The following NCOA1 variants were observed in gnomAD, a reference collection of about 807,000 sequenced individuals.
NCOA1 encodes the protein nuclear receptor coactivator 1, also known as Hin-2 protein.
NCOA1 carries 35 observed loss-of-function variants against 150.9 expected under a neutral mutation model. The observed-to-expected ratio is 0.23, with a 90% CI of 0.18 to 0.31. The LOEUF (loss-of-function observed/expected upper bound fraction) is 0.31. NCOA1 is among the 10% of genes least tolerant of loss of function. The pLI is 1.00. For synonymous variants in NCOA1, 590 were observed against 630.0 expected, an observed-to-expected ratio of 0.94 and a Z score of 0.95; for missense variants, 1,491 against 1,749.3, an observed-to-expected ratio of 0.85 and a Z score of 2.63.
chr2:24,514,184 A>G (rs1255905091), intron 1 of NCOA1, among the ~76,000 whole-genome samples: 1 of 145,172 alleles, frequency 6.9e-6, no homozygotes, highest in Non-Finnish European at 1.5e-5. Flanking sequence ...GCTACTCGGG[A>G]GGCTGAGGTG....
intron 3 of NCOA1, among the ~76,000 whole-genome samples, chr2:24,593,491 T>G (rs1216461317): frequency 6.6e-6 from 1 of 152,104 alleles, no homozygotes; most frequent in Non-Finnish European, 1.5e-5. Context: ...ATGTAAACAT[T>G]GAATGTTTAT....
intron 3 of NCOA1, among the ~76,000 whole-genome samples, chr2:24,639,357 A>G (rs1670075409): frequency 6.6e-6 from 1 of 152,106 alleles, no homozygotes; most frequent in Non-Finnish European, 1.5e-5. Context: ...TACGTTGTTC[A>G]GAACACTATA....
chr2:24,677,420 T>TTTGG (rs1671967019), intron 7 of NCOA1, among the ~76,000 whole-genome samples: 1 of 152,022 alleles, frequency 6.6e-6, no homozygotes, highest in African/African-American at 2.4e-5. Context: ...GATGTTTTTG[T>TTTGG]TTGGTTGGTT....
At chr2:24,565,277 A>G (rs1304638667) in intron 2 of NCOA1, among the ~76,000 whole-genome samples, 1 of 152,234 alleles carries the variant, frequency 6.6e-6, no homozygotes, top group African/African-American at 2.4e-5. Flanking sequence ...TTAGGTGTTT[A>G]TTTAAAAACA....
chr2:24,560,435 A>T (rs1666251810), intron 1 of NCOA1, among the ~76,000 whole-genome samples: 1 of 151,324 alleles, frequency 6.6e-6, no homozygotes. Flanking sequence ...TATGGATATG[A>T]TTTTTTTTTC....
Position 24,667,900 on chromosome 2 carries a change from T to A in NCOA1, c.256+1985T>A, listed in dbSNP as rs1671504398. The stretch of plus-strand genomic sequence containing the variant: ...ATATTTTTAAAAACAGAAAAAAAAA[T>A]CTATGCATCTTTTTATACCTTCCTT... On this transcript the variant is annotated intron_variant, in intron 6 of 22. Coordinates refer to ENST00000348332, the MANE Select transcript of NCOA1 (RefSeq NM_003743.5). Among the ~76,000 whole-genome samples the A allele has an allele frequency of 2.0e-5, 3 of 152,124 alleles. No individual in the cohort carries two copies. In the South Asian group the frequency reaches 6.2e-4, roughly 32 times the overall value.
chr2:24,603,842 A>T (rs1322812816), intron 3 of NCOA1, among the ~76,000 whole-genome samples: 1 of 152,228 alleles, frequency 6.6e-6, no homozygotes, highest in Non-Finnish European at 1.5e-5. Flanking sequence ...AATGTTCTTA[A>T]TGGCATCCAG....
rs1284120928 is a variant in NCOA1, at chr2:24,707,676, G to C, written c.2206G>C (p.Asp736His). The C allele has an allele frequency of 6.2e-7, 1 of 1,614,114 alleles. No homozygotes were observed. Among genetic ancestry groups the C allele is most frequent in the Admixed American group, 1.7e-5 (1 of 60,022 alleles). Reference sequence around the variant, plus strand: ...AAACTCCAGTATAAAACTAGAACTGGATGCTTCAAAGAAAAAAGAATCAAA... The same window carrying C: ...AAACTCCAGTATAAAACTAGAACTGCATGCTTCAAAGAAAAAAGAATCAAA... ...QGNSSIKLEL[D>H]ASKKKESKDH... Residue 736 changes from aspartate (D) to histidine (H), a missense_variant, in exon 13 of 23, where the codon GAT becomes CAT. Around this residue, in one of 8 missense-constraint regions of NCOA1, gnomAD observed 703 missense variants for 717.7 expected, o/e 0.98. Transcript: ENST00000348332.
intron 20 of NCOA1, among the ~76,000 whole-genome samples, chr2:24,757,497 A>G (rs1664560175): frequency 6.6e-6 from 1 of 152,188 alleles, no homozygotes; most frequent in South Asian, 2.1e-4. Context: ...CCCCTGAAGT[A>G]TTAAGTCTAA....
At chr2:24,685,844 T>C (rs1482092899) in intron 8 of NCOA1, among the ~76,000 whole-genome samples, 3 of 152,224 alleles carry the variant, frequency 2.0e-5, no homozygotes, top group Non-Finnish European at 2.9e-5. Context: ...TAACAACTAC[T>C]AGCTGGTTTT....
chr2:24,497,940 A>T (rs569716418), intron 1 of NCOA1, among the ~76,000 whole-genome samples: 2 of 152,318 alleles, frequency 1.3e-5, no homozygotes, highest in South Asian at 2.1e-4. Context: ...TTAAAATTCC[A>T]GTTTGCCTAT....
chr2:24,563,621 C>T (rs11125678), intron 1 of NCOA1, among the ~76,000 whole-genome samples: 67,081 of 151,644 alleles, frequency 0.44, 16,584 homozygotes, highest in Admixed American at 0.61. Context: ...GGGCTCAAGC[C>T]ATTCTCCTAC....
chr2:24,725,179 T>G (rs1046312201), intron 14 of NCOA1, among the ~76,000 whole-genome samples: 5 of 152,152 alleles, frequency 3.3e-5, no homozygotes, highest in African/African-American at 1.2e-4. Context: ...TATTCTTCAT[T>G]CATTCGAATG....
At position 24,552,389 on chromosome 2, in the gene NCOA1, T is replaced by C. The variant is rs189638461; in HGVS notation, c.-395-11906T>C. ...TTTTTTTTTTTTTTTTTTTTTGAGA[T>C]GGAGTCTCGCTCTGTTGTCCAGGCT... On this transcript the variant is annotated intron_variant, in intron 1 of 22. Coordinates refer to ENST00000348332, the MANE Select transcript of NCOA1 (RefSeq NM_003743.5). Among the ~76,000 whole-genome samples, 629 of 114,738 alleles carry C rather than the reference T, an allele frequency of 5.5e-3. 7 individuals are homozygous for C. Among genetic ancestry groups the C allele is most frequent in the African/African-American group, 0.021 (598 of 28,766 alleles). 75.3% of individuals were successfully genotyped at this position (114,738 alleles called of 152,430 possible).
intron 9 of NCOA1, 133 bp from the exon 10 acceptor site, chr2:24,693,119 G>T (rs888385154): frequency 9.1e-6 from 7 of 770,792 alleles, no homozygotes; most frequent in East Asian, 5.3e-5. Flanking sequence ...CTCCCAAAGT[G>T]CTGGGATTAC....
chr2:24,657,996 A>G (rs1671019870), intron 4 of NCOA1, among the ~76,000 whole-genome samples: 1 of 152,232 alleles, frequency 6.6e-6, no homozygotes. Flanking sequence ...TAACTGGTGC[A>G]ACATGTGAGA....
At chr2:24,624,105 A>C (rs2148414707) in intron 3 of NCOA1, among the ~76,000 whole-genome samples, 1 of 152,324 alleles carries the variant, frequency 6.6e-6, no homozygotes, top group Admixed American at 6.5e-5. Flanking sequence ...GTGCCTTCTC[A>C]TAAACCGAGG....
intron 1 of NCOA1, among the ~76,000 whole-genome samples, chr2:24,533,161 C>A (rs989264417): frequency 1.3e-5 from 2 of 152,080 alleles, no homozygotes; most frequent in Admixed American, 1.3e-4. Context: ...TTGAAGAGGT[C>A]CTTCACATCC....
chr2:24,500,382 A>G (rs975833942), intron 1 of NCOA1, among the ~76,000 whole-genome samples: 21 of 152,210 alleles, frequency 1.4e-4, no homozygotes, highest in Non-Finnish European at 2.9e-5. Context: ...TGCTGGGATT[A>G]CAGGCGTGAG....
Sources: allele counts gnomAD v4.1 joint callset (sites outside exome capture counted in the v4.1 genomes callset), GRCh38; gene constraint gnomAD v4.1.1; regional missense constraint gnomAD v4.1.1; transcripts MANE v1.5; gene names NCBI Gene and HGNC (gene_info 2026-07-23, HGNC 2026-07-21).